Variants in NCOA3 observed in about 807,000 individuals in gnomAD.
The protein encoded by NCOA3 is CBP-interacting protein.
In NCOA3, 51 loss-of-function variants were observed where a neutral mutation model predicts 158.8. The ratio of observed to expected loss-of-function variants is 0.32; its 90% CI spans 0.26 to 0.41. NCOA3 has a LOEUF of 0.41. Among genes scored for constraint, NCOA3 ranks in the 10% least tolerant of loss-of-function variants. NCOA3 has a pLI of 1.00. For missense variants in NCOA3, 1,510 were observed against 1,746.6 expected, an observed-to-expected ratio of 0.86 and a Z score of 2.41; for synonymous variants, 537 against 592.4, an observed-to-expected ratio of 0.91 and a Z score of 1.36.
chr20:47,603,063 C>T (rs1478055218), intron 2 of NCOA3, among the ~76,000 whole-genome samples: 1 of 152,180 alleles, frequency 6.6e-6, no homozygotes, highest in East Asian at 1.9e-4. Context: ...AGTTCCGTTT[C>T]TACAAATTCT....
chr20:47,513,299 C>T (rs770370137), intron 1 of NCOA3, among the ~76,000 whole-genome samples: 10 of 152,128 alleles, frequency 6.6e-5, no homozygotes, highest in East Asian at 1.9e-4. Context: ...TACACAAATA[C>T]GCAGAGAAGC....
At chr20:47,620,573 C>G (rs1281827742) in intron 2 of NCOA3, among the ~76,000 whole-genome samples, 2 of 152,200 alleles carry the variant, frequency 1.3e-5, no homozygotes, top group African/African-American at 4.8e-5. Flanking sequence ...CTTCCTCATC[C>G]TTGCTCTGCC....
intron 1 of NCOA3, among the ~76,000 whole-genome samples, chr20:47,507,053 G>A (rs184954680): frequency 3.3e-5 from 5 of 152,284 alleles, no homozygotes; most frequent in African/African-American, 1.2e-4. Flanking sequence ...TGGTGGCTAT[G>A]GCAGCTGAGT....
chr20:47,598,993 G>A (rs900113232), intron 2 of NCOA3, among the ~76,000 whole-genome samples: 2 of 152,096 alleles, frequency 1.3e-5, no homozygotes, highest in Non-Finnish European at 2.9e-5. Flanking sequence ...ACTTGCCTGC[G>A]CTATTCAATA....
chr20:47,561,488 T>TC (rs1227609442), intron 1 of NCOA3, among the ~76,000 whole-genome samples: 2 of 151,778 alleles, frequency 1.3e-5, no homozygotes, highest in African/African-American at 2.4e-5. Flanking sequence ...TTTTTCTTTT[T>TC]TTTTTTATTT....
At chr20:47,537,362 C>A (rs1054274623) in intron 1 of NCOA3, among the ~76,000 whole-genome samples, 2 of 148,676 alleles carry the variant, frequency 1.3e-5, no homozygotes, top group African/African-American at 5.0e-5. Context: ...ATCACTTCTA[C>A]CTCTTAATGG....
chr20:47,557,078 A>G (rs2085019090), intron 1 of NCOA3, among the ~76,000 whole-genome samples: 2 of 152,218 alleles, frequency 1.3e-5, no homozygotes. Flanking sequence ...CAGTGCCACA[A>G]AGAACATCCT....
At chr20:47,622,454 TAG>T in intron 3 of NCOA3, 124 bp downstream of exon 3, 1 of 624,318 alleles carries the variant, frequency 1.6e-6, no homozygotes, top group South Asian at 2.5e-5. Context: ...TCGTGGTAAG[TAG>T]AGTGTTACTG....
At chr20:47,616,262 C>T (rs1363287957) in intron 2 of NCOA3, among the ~76,000 whole-genome samples, 13 of 150,938 alleles carry the variant, frequency 8.6e-5, no homozygotes, top group East Asian at 4.0e-4. Flanking sequence ...GGCACAATCC[C>T]GGCTCACTGC....
chr20:47,532,366 G>C (rs958818645), intron 1 of NCOA3, among the ~76,000 whole-genome samples: 4 of 152,082 alleles, frequency 2.6e-5, no homozygotes, highest in African/African-American at 9.7e-5. Flanking sequence ...ACAGTGTTTG[G>C]AGGACAGTGA....
At position 47,633,542 on chromosome 20, in the gene NCOA3, G is replaced by C; in HGVS notation, c.870G>C (p.Arg290Ser). Residue 290 changes from arginine to serine, a missense_variant, in exon 9 of 23, where the codon AGG (arginine) becomes AGC (serine). Around this residue, in one of 4 missense-constraint regions of NCOA3, gnomAD observed 309 missense variants for 427.1 expected, o/e 0.72. Coordinates refer to ENST00000371998, the MANE Select transcript of NCOA3 (RefSeq NM_181659.3). ...CAAATTCACTGAGATCCTCCATGAG[G>C]CCTGGCTTTGAAGATATAATCCGAA... ...IDTNSLRSSM[R>S]PGFEDIIRRC... 2 of 1,613,570 alleles carry C rather than the reference G, an allele frequency of 1.2e-6. No homozygotes were observed. Among genetic ancestry groups the C allele is most frequent in the Non-Finnish European group, 1.7e-6 (2 of 1,179,564 alleles).
intron 1 of NCOA3, among the ~76,000 whole-genome samples, chr20:47,581,447 A>G (rs2085451375): frequency 6.6e-6 from 1 of 152,152 alleles, no homozygotes; most frequent in Non-Finnish European, 1.5e-5. Flanking sequence ...AGACCTTTCC[A>G]TAATGCAGCT....
chr20:47,567,028 G>GTATT (rs57657512), intron 1 of NCOA3, among the ~76,000 whole-genome samples: 27,227 of 151,354 alleles, frequency 0.18, 3,054 homozygotes, highest in Middle Eastern at 0.27. Context: ...ATGTATGTAT[G>GTATT]TATGTATGTA....
intron 8 of NCOA3, chr20:47,631,556 T>C (rs991867021): frequency 6.6e-6 from 1 of 152,242 alleles, no homozygotes; most frequent in Non-Finnish European, 1.5e-5. Context: ...GTCTCCATTG[T>C]ATTTGATATT....
At chr20:47,519,645 G>A (rs962459886) in intron 1 of NCOA3, among the ~76,000 whole-genome samples, 4 of 151,064 alleles carry the variant, frequency 2.6e-5, no homozygotes, top group African/African-American at 7.3e-5. Flanking sequence ...AAGAAATTTG[G>A]AGCCAGGCAT....
At chr20:47,509,405 T>C (rs1323640232) in intron 1 of NCOA3, among the ~76,000 whole-genome samples, 1 of 152,136 alleles carries the variant, frequency 6.6e-6, no homozygotes, top group Non-Finnish European at 1.5e-5. Flanking sequence ...AAAGGGACTT[T>C]AATCGCCTGA....
At chr20:47,560,968 C>CTTTTTTTTTTT (rs11481985) in intron 1 of NCOA3, among the ~76,000 whole-genome samples, 1 of 101,188 alleles carries the variant, frequency 9.9e-6, no homozygotes, top group African/African-American at 4.0e-5. Flanking sequence ...ATCCCTCATT[C>CTTTTTTTTTTT]TTTTTTTTTT....
At chr20:47,633,353 A>G in intron 8 of NCOA3, 143 bp from the exon 9 acceptor site, 9 of 723,590 alleles carry the variant, frequency 1.2e-5, no homozygotes, top group Non-Finnish European at 2.0e-5. Flanking sequence ...AAAGCTGTGG[A>G]TATAGTAGAA....
chr20:47,616,846 G>C (rs962482474), intron 2 of NCOA3, among the ~76,000 whole-genome samples: 9 of 152,182 alleles, frequency 5.9e-5, no homozygotes, highest in African/African-American at 2.2e-4. Context: ...CAGGAGGACA[G>C]ATTACTTGGT....
Sources: gnomAD v4.1 joint callset for allele counts (sites outside exome capture counted in the v4.1 genomes callset) on GRCh38, gnomAD v4.1.1 for gene constraint, gnomAD v4.1.1 regional missense constraint, MANE v1.5 for transcripts, NCBI Gene and HGNC (gene_info 2026-07-23, HGNC 2026-07-21) for gene names.